The following NBAS variants were observed in gnomAD, a reference collection of about 807,000 sequenced individuals.
NBAS encodes the protein NBAS subunit of NRZ tethering complex, also known as NAG/BC035112 fusion.
A neutral mutation model predicts 302.5 loss-of-function variants in NBAS; 219 were observed. The observed-to-expected ratio is 0.72, with a 90% CI of 0.65 to 0.81. NBAS has a LOEUF of 0.81. NBAS is among the 30% of genes least tolerant of loss of function. The pLI, the probability that NBAS is intolerant of heterozygous loss-of-function variation, is 0.00. For synonymous variants in NBAS, 1,118 were observed against 1,021.6 expected, an observed-to-expected ratio of 1.09 and a Z score of -1.80; for missense variants, 2,932 against 2,841.6, an observed-to-expected ratio of 1.03 and a Z score of -0.72.
chr2:15,384,725 A>G (rs750602204), intron 28 of NBAS, among the ~76,000 whole-genome samples: 1 of 152,176 alleles, frequency 6.6e-6, no homozygotes, highest in Admixed American at 6.5e-5. Context: ...TGGAATCACC[A>G]TTTATGTTTA....
In NBAS at chr2:15,287,117, C is replaced by G; in HGVS notation, c.5094G>C (p.Trp1698Cys). ...ACTCCAAATGGGTCATAAAAACTTC[C>G]CAGCGGGAGACACTGTAACGTTGTG... Reference protein sequence around the residue: ...SLAQRYSVSRWEVFMTHLEFL... With the variant: ...SLAQRYSVSRCEVFMTHLEFL... Residue 1698 changes from tryptophan to cysteine, a missense_variant, in exon 42 of 52, where the codon TGG becomes TGC. Coordinates refer to ENST00000281513, the MANE Select transcript of NBAS (RefSeq NM_015909.4). 1 of 1,614,028 alleles carries G rather than the reference C, an allele frequency of 6.2e-7. No individual in the cohort carries two copies. The highest frequency in any genetic ancestry group is 1.7e-5 in the Admixed American group (1 of 60,020).
At chr2:14,881,185 G>A in the NBAS span, among the ~76,000 whole-genome samples, 1 of 152,136 alleles carries the variant, frequency 6.6e-6, no homozygotes, top group African/African-American at 2.4e-5. Flanking sequence ...ATCCTTTGCA[G>A]CAACATAGAT....
At chr2:15,077,378 T>C in the NBAS span, among the ~76,000 whole-genome samples, 1 of 152,152 alleles carries the variant, frequency 6.6e-6, no homozygotes, top group Non-Finnish European at 1.5e-5. Context: ...AGACAAACTA[T>C]ATCAGATCCT....
At chr2:15,024,797 C>T in the NBAS span, among the ~76,000 whole-genome samples, 1 of 152,156 alleles carries the variant, frequency 6.6e-6, no homozygotes, top group African/African-American at 2.4e-5. Context: ...ATCCTTTGCC[C>T]ACTTTGTAAT....
chr2:15,080,108 C>T, the NBAS span, among the ~76,000 whole-genome samples: 4 of 152,166 alleles, frequency 2.6e-5, no homozygotes, highest in Non-Finnish European at 5.9e-5. Context: ...TCCCCAGAAG[C>T]AAGTCCCATC....
chr2:14,913,015 T>C, the NBAS span, among the ~76,000 whole-genome samples: 2 of 152,182 alleles, frequency 1.3e-5, no homozygotes, highest in South Asian at 2.1e-4. Context: ...AGAAGAAAGT[T>C]GAAAGAACAT....
the NBAS span, among the ~76,000 whole-genome samples, chr2:14,988,646 G>C: frequency 6.6e-6 from 1 of 152,068 alleles, no homozygotes; most frequent in Non-Finnish European, 1.5e-5. Flanking sequence ...ATGCTGAAGA[G>C]CTAATTCACA....
intron 44 of NBAS, among the ~76,000 whole-genome samples, chr2:15,256,887 CT>C (rs1668625351): frequency 1.3e-5 from 2 of 152,162 alleles, no homozygotes; most frequent in Admixed American, 1.3e-4. Flanking sequence ...TAATTCATCC[CT>C]GCATCCCTGG....
chr2:15,492,141 T>A (rs1275920816), intron 11 of NBAS, among the ~76,000 whole-genome samples: 1 of 152,218 alleles, frequency 6.6e-6, no homozygotes, highest in Non-Finnish European at 1.5e-5. Flanking sequence ...GTATAATAAA[T>A]ATCCACATAC....
In NBAS at chr2:15,402,937, T is replaced by G. The variant is rs542530763; in HGVS notation, c.2938-636A>C. ...TTTCCAGGATATGAAAATAACCAAT[T>G]GATTTTTTTCTCATCTATAAAGCAT... On this transcript the variant is annotated intron_variant, in intron 25 of 51. Transcript: ENST00000281513. 3.9e-5 allele frequency among the ~76,000 whole-genome samples: 6 copies of G among 152,304 alleles called. No homozygotes were observed. The South Asian group carries it at 6.2e-4, about 16-fold the overall frequency.
chr2:15,292,819 C>T, intron 40 of NBAS, 53 bp from the exon 41 acceptor site: 8 of 1,523,542 alleles, frequency 5.3e-6, no homozygotes, highest in Non-Finnish European at 7.3e-6. Context: ...CAAACACGAG[C>T]AAGTGAGTAA....
At chr2:14,997,649 T>C in the NBAS span, among the ~76,000 whole-genome samples, 6 of 152,192 alleles carry the variant, frequency 3.9e-5, no homozygotes, top group Non-Finnish European at 8.8e-5. Flanking sequence ...ATGCACACTC[T>C]TGGCAAATTT....
At chr2:14,839,128 T>C in the NBAS span, among the ~76,000 whole-genome samples, 1 of 151,866 alleles carries the variant, frequency 6.6e-6, no homozygotes, top group African/African-American at 2.4e-5. Flanking sequence ...GCACCAAGAT[T>C]ATACTCAGCA....
chr2:15,044,207 G>A, the NBAS span, among the ~76,000 whole-genome samples: 2,435 of 152,096 alleles, frequency 0.016, 14 homozygotes, highest in Middle Eastern at 0.024. Flanking sequence ...CTAAATGACA[G>A]AATTTGCATT....
chr2:15,227,775 T>C (rs945951722), intron 47 of NBAS, among the ~76,000 whole-genome samples: 3 of 152,144 alleles, frequency 2.0e-5, no homozygotes, highest in African/African-American at 7.2e-5. Context: ...GAAAATTAGA[T>C]AACCACACGA....
the NBAS span, among the ~76,000 whole-genome samples, chr2:15,101,258 G>T: frequency 6.6e-6 from 1 of 151,954 alleles, no homozygotes; most frequent in Non-Finnish European, 1.5e-5. Flanking sequence ...CAATCTTAAT[G>T]CTTACTTCAA....
intron 9 of NBAS, among the ~76,000 whole-genome samples, chr2:15,518,317 T>C (rs1207415892): frequency 6.6e-6 from 1 of 152,180 alleles, no homozygotes; most frequent in Non-Finnish European, 1.5e-5. Context: ...TTAGATTTTT[T>C]TAAGAAATCT....
intron 6 of NBAS, among the ~76,000 whole-genome samples, chr2:15,549,627 C>T (rs1664280084): frequency 6.6e-6 from 1 of 151,994 alleles, no homozygotes; most frequent in African/African-American, 2.4e-5. Context: ...ACCTGGGAAA[C>T]GTAGATGGGA....
chr2:15,210,870 A>G (rs933123979), intron 48 of NBAS, among the ~76,000 whole-genome samples: 8 of 152,240 alleles, frequency 5.3e-5, no homozygotes, highest in African/African-American at 1.9e-4. Context: ...TAAGCCAGGC[A>G]CGGAAAGACA....
Sources: allele counts gnomAD v4.1 joint callset (sites outside exome capture counted in the v4.1 genomes callset), GRCh38; gene constraint gnomAD v4.1.1; transcripts MANE v1.5; gene names NCBI Gene and HGNC (gene_info 2026-07-23, HGNC 2026-07-21).